LOXHD1: variants seen among roughly 807,000 people sequenced by gnomAD.
LOXHD1 encodes the protein lipoxygenase homology PLAT domains 1, also known as lipoxygenase homology domain-containing protein 1.
A neutral mutation model predicts 248.2 loss-of-function variants in LOXHD1; 205 were observed. The observed-to-expected ratio is 0.83, with a 90% confidence interval of 0.74 to 0.93. LOXHD1 has a LOEUF of 0.93. Among genes scored for constraint, LOXHD1 ranks in the 40% least tolerant of loss-of-function variants. The pLI is 0.00. For synonymous variants in LOXHD1, 1,113 were observed against 1,162.8 expected (o/e 0.96, Z 0.87); for missense variants, 2,930 against 2,971.6 (o/e 0.99, Z 0.33).
intron 7 of LOXHD1, among the ~76,000 whole-genome samples, chr18:46,603,305 G>C (rs2038366351): frequency 1.3e-5 from 2 of 151,884 alleles, no homozygotes; most frequent in African/African-American, 2.4e-5. Flanking sequence ...GAGAGGGAAG[G>C]CATGGGAGCA....
Position 46,593,694 on chromosome 18 carries a change from A to G in LOXHD1, c.1337T>C (p.Phe446Ser), listed in dbSNP as rs2038213363. The G allele has an allele frequency of 1.9e-6, 3 of 1,552,188 alleles. No homozygotes were observed. The highest frequency in any genetic ancestry group is 2.6e-6 in the Non-Finnish European group (3 of 1,147,130). ...CCCCTTCTGCCCATAAATCTGGATG[A>G]AGATGGGAGAGTTGGTACCAGCTTT... is the stretch of plus-strand genomic sequence containing the variant. ...LKKAGTNSPI[F>S]IQIYGQKGRT... Residue 446 changes from phenylalanine to serine, a missense_variant, in exon 10 of 41, where the codon TTC becomes TCC. Coordinates refer to ENST00000642948, the MANE Select transcript of LOXHD1 (RefSeq NM_001384474.1).
chr18:46,632,218 CAT>C (rs1400478924), intron 4 of LOXHD1, among the ~76,000 whole-genome samples: 2 of 152,138 alleles, frequency 1.3e-5, no homozygotes, highest in Non-Finnish European at 2.9e-5. Context: ...GTCTCAAAGT[CAT>C]ATAGCTAGGA....
intron 6 of LOXHD1, 47 bp from the exon 7 acceptor site, chr18:46,604,276 G>C (rs1203143227): frequency 6.5e-7 from 1 of 1,548,098 alleles, no homozygotes; most frequent in Non-Finnish European, 8.7e-7. Context: ...TGTTGTTGAG[G>C]GTGCACCTGG....
chr18:46,508,887 C>T (rs1218022083), intron 35 of LOXHD1, among the ~76,000 whole-genome samples: 2 of 152,002 alleles, frequency 1.3e-5, no homozygotes, highest in African/African-American at 4.8e-5. Flanking sequence ...GGCCCTATGC[C>T]GTGGACGCTC....
intron 37 of LOXHD1, among the ~76,000 whole-genome samples, chr18:46,498,257 G>A (rs866823440): frequency 1.3e-5 from 2 of 151,732 alleles, no homozygotes; most frequent in African/African-American, 4.8e-5. Context: ...GCTCTCAGAT[G>A]GGACTGCACT....
chr18:46,476,970 T>C (rs968052359), downstream of LOXHD1: 2 of 578,948 alleles, frequency 3.5e-6, no homozygotes, highest in African/African-American at 3.7e-5. Context: ...CTGAGGTTTT[T>C]CTCCACTTGC....
At chr18:46,479,041 C>G (rs2032297643) in intron 40 of LOXHD1, among the ~76,000 whole-genome samples, 1 of 152,094 alleles carries the variant, frequency 6.6e-6, no homozygotes, top group Non-Finnish European at 1.5e-5. Flanking sequence ...TCCAAGCTCA[C>G]TCCCATCTGC....
At chr18:46,579,401 T>A (rs555834796) in intron 13 of LOXHD1, among the ~76,000 whole-genome samples, 1 of 152,244 alleles carries the variant, frequency 6.6e-6, no homozygotes, top group African/African-American at 2.4e-5. Flanking sequence ...TATTAGTGAA[T>A]CAGGGCGGGC....
At chr18:46,503,906 G>T (rs1038559738) in intron 37 of LOXHD1, among the ~76,000 whole-genome samples, 1 of 152,094 alleles carries the variant, frequency 6.6e-6, no homozygotes, top group Non-Finnish European at 1.5e-5. Context: ...GGCAAGATGG[G>T]CCGGCACACA....
chr18:46,531,556 T>C (rs1291570119), intron 28 of LOXHD1, among the ~76,000 whole-genome samples: 5 of 150,474 alleles, frequency 3.3e-5, no homozygotes, highest in African/African-American at 1.2e-4. Context: ...GGGGCTGGGA[T>C]GAAATGGCCT....
intron 31 of LOXHD1, among the ~76,000 whole-genome samples, chr18:46,523,917 C>T (rs1197117929): frequency 3.3e-5 from 5 of 152,144 alleles, no homozygotes; most frequent in Non-Finnish European, 7.3e-5. Flanking sequence ...TTTAAGAGAA[C>T]TGACTATGAA....
At chr18:46,503,234 G>A (rs915352228) in intron 37 of LOXHD1, among the ~76,000 whole-genome samples, 1 of 152,258 alleles carries the variant, frequency 6.6e-6, no homozygotes, top group Non-Finnish European at 1.5e-5. Flanking sequence ...ATAGTTCTTG[G>A]GAACATATTT....
intron 21 of LOXHD1, chr18:46,555,147 G>A (rs1720587758): frequency 4.2e-6 from 2 of 471,160 alleles, no homozygotes; most frequent in Non-Finnish European, 8.8e-6. Flanking sequence ...GCAAGGGGAA[G>A]CTGGGGATGT....
In LOXHD1 at chr18:46,496,192, A is replaced by T. The variant is rs536953573; in HGVS notation, c.5879-7050T>A. On this transcript the variant is annotated intron_variant, in intron 37 of 40. Coordinates refer to ENST00000642948, the MANE Select transcript of LOXHD1 (RefSeq NM_001384474.1). ...ATAGTTCAAATTTGACAGTTCAATA[A>T]TCAATAACTGATTCAATTGTGAATC... Among the ~76,000 whole-genome samples the T allele has an allele frequency of 1.6e-4, 25 of 152,376 alleles. No homozygotes were observed. The South Asian group carries it at 5.2e-3, about 32-fold the overall frequency.
At chr18:46,561,121 C>T (rs927715326) in intron 18 of LOXHD1, among the ~76,000 whole-genome samples, 1 of 152,210 alleles carries the variant, frequency 6.6e-6, no homozygotes, top group African/African-American at 2.4e-5. Context: ...CACAGAGGCC[C>T]AAGCTCCCTC....
At chr18:46,479,636 GC>G (rs1179433910) in intron 40 of LOXHD1, among the ~76,000 whole-genome samples, 1 of 151,928 alleles carries the variant, frequency 6.6e-6, no homozygotes. Flanking sequence ...ACTCCAAATT[GC>G]TAATATGCTA....
intron 18 of LOXHD1, among the ~76,000 whole-genome samples, 200 bp downstream of exon 18, chr18:46,562,865 G>A (rs578193023): frequency 6.6e-6 from 1 of 152,282 alleles, no homozygotes; most frequent in Admixed American, 6.5e-5. Flanking sequence ...GAGGCCAGGG[G>A]TGGGAATCAC....
In LOXHD1 at chr18:46,566,335, G is replaced by T. The variant is rs564297037; in HGVS notation, c.2359C>A (p.Arg787Ser). 3 of 1,551,750 alleles carry T rather than the reference G, an allele frequency of 1.9e-6. No individual in the cohort carries two copies. Among genetic ancestry groups the T allele is most frequent in the African/African-American group, 2.7e-5 (2 of 73,056 alleles). ...TCAGCCTGGTTCTTGTCCAGCCAGCGGTTGGCGGGAAAGGTGTACTGCTTG... is the reference window on the plus strand; with the variant it reads ...TCAGCCTGGTTCTTGTCCAGCCAGCTGTTGGCGGGAAAGGTGTACTGCTTG... ...QGKQYTFPAN[R>S]WLDKNQADGR... The change falls in exon 17 of 41, where the codon CGC (arginine) becomes AGC (serine). Residue 787 changes from arginine (R) to serine (S), a missense_variant. Physicochemically the swap from Arg to Ser is moderately radical, Grantham distance 110. Transcript: ENST00000642948.
chr18:46,601,247 C>T lies in LOXHD1; in HGVS notation c.1104G>A (p.Val368=). The T allele has an allele frequency of 6.4e-7, 1 of 1,551,656 alleles. No homozygotes were observed. The highest frequency in any genetic ancestry group is 8.7e-7 in the Non-Finnish European group (1 of 1,146,948). The part of the protein sequence containing the change: ...LSRVSVGHGN[V]GVNRGWFCEK... ...CACAGAACCAGCCTCTGTTGACACC[C>T]ACATTGCCATGCCCGACGGAGACCC... is the stretch of plus-strand genomic sequence containing the variant. Residue 368 remains valine, a synonymous_variant, in exon 8 of 41, where the codon GTG becomes GTA. Transcript: ENST00000642948.
Sources: gnomAD v4.1 joint callset for allele counts (sites outside exome capture counted in the v4.1 genomes callset) on GRCh38, gnomAD v4.1.1 for gene constraint, MANE v1.5 for transcripts, NCBI Gene and HGNC (gene_info 2026-07-23, HGNC 2026-07-21) for gene names.